Variants in BPIFB4 observed in about 807,000 individuals in gnomAD.
BPIFB4 encodes BPI fold-containing family B member 4.
In BPIFB4, 62 loss-of-function variants were observed where a neutral mutation model predicts 69.2. The observed-to-expected ratio is 0.90, with a 90% CI of 0.73 to 1.11. The LOEUF is 1.11. Ranked by LOEUF, BPIFB4 falls within the 50% of genes least tolerant of loss-of-function variation. The pLI, the probability that BPIFB4 is intolerant of heterozygous loss-of-function variation, is 0.00. For synonymous variants in BPIFB4, 330 were observed against 332.7 expected (o/e 0.99, Z 0.09); for missense variants, 789 against 792.0 (o/e 1.00, Z 0.04).
At chr20:33,083,214 T>C (rs1203066259) in intron 4 of BPIFB4, among the ~76,000 whole-genome samples, 153 bp from the exon 5 acceptor site, 1 of 56,768 alleles carries the variant, frequency 1.8e-5, no homozygotes, top group Admixed American at 2.5e-4. Context: ...GGTGGGGGGT[T>C]GCTGGGTGGC....
chr20:33,085,882 A>C, intron 6 of BPIFB4, 139 bp from the exon 7 acceptor site: 1 of 987,352 alleles, frequency 1.0e-6, no homozygotes, highest in Non-Finnish European at 1.5e-6. Context: ...GGACCAGGGA[A>C]GAGTTCTGGG....
Position 33,088,953 on chromosome 20 carries a change from C to A in BPIFB4, c.927-13C>A. ...CTGCGAGCCTTGACCTCATCCTGCTCCTGTCTCCTTAGGCTTCTCCCCAAT... is the reference window on the plus strand; with the variant it reads ...CTGCGAGCCTTGACCTCATCCTGCTACTGTCTCCTTAGGCTTCTCCCCAAT... On this transcript the variant is annotated splice_polypyrimidine_tract_variant and intron_variant, in intron 7 of 17. Transcript: ENST00000375483. 1.2e-6 allele frequency: 2 copies of A among 1,613,652 alleles called. No individual in the cohort carries two copies. Among genetic ancestry groups the A allele is most frequent in the South Asian group, 1.1e-5 (1 of 91,056 alleles).
In BPIFB4 at chr20:33,092,638, C is replaced by T. The variant is rs768941749; in HGVS notation, c.1324C>T (p.Leu442=). ...ACTGCAGAAGCAGCATGCTCTAGAC[C>T]TGGATATCACCAATGGCATGGTGAG... The part of the protein sequence containing the change: ...TLLQKQHALD[L]DITNGMFEEL... Residue 442 remains leucine (L), a synonymous_variant, in exon 11 of 18, where the codon CTG becomes TTG. Coordinates refer to ENST00000375483, the MANE Select transcript of BPIFB4 (RefSeq NM_182519.3). 1.9e-6 allele frequency: 3 copies of T among 1,611,474 alleles called. No individual in the cohort carries two copies. In the Admixed American group the frequency reaches 5.0e-5, roughly 27 times the overall value.
chr20:33,105,014 C>T (rs2146415797), intron 16 of BPIFB4, 141 bp downstream of exon 16: 2 of 787,172 alleles, frequency 2.5e-6, no homozygotes, highest in Non-Finnish European at 3.8e-6. Context: ...TCGATGAAAG[C>T]CTCCAAATCC....
At chr20:33,105,223 T>G (rs986521458) in intron 16 of BPIFB4, among the ~76,000 whole-genome samples, 1 of 152,198 alleles carries the variant, frequency 6.6e-6, no homozygotes, top group Admixed American at 6.5e-5. Flanking sequence ...GCATATTTCC[T>G]TCTAAACTCT....
chr20:33,096,648 C>T (rs1233535061), intron 12 of BPIFB4, among the ~76,000 whole-genome samples: 1 of 152,176 alleles, frequency 6.6e-6, no homozygotes, highest in Non-Finnish European at 1.5e-5. Flanking sequence ...ACACCATTTA[C>T]AGATGGGGAA....
Position 33,083,457 on chromosome 20 carries a change from A to G in BPIFB4, c.260A>G (p.Tyr87Cys), listed in dbSNP as rs755714325. 1.9e-5 allele frequency: 31 copies of G among 1,613,642 alleles called. No individual in the cohort carries two copies. Among genetic ancestry groups the G allele is most frequent in the African/African-American group, 2.7e-5 (2 of 74,790 alleles). ...NGKKLDGIYQ[Y>C]GHIETNDNTA... Reference sequence around the variant, plus strand: ...AAAAAACTTGATGGTATTTACCAGTATGGTCACATTGAGACCAACGACAAC... The same window carrying G: ...AAAAAACTTGATGGTATTTACCAGTGTGGTCACATTGAGACCAACGACAAC... The change falls in exon 5 of 18, where the codon TAT becomes TGT. Residue 87 changes from tyrosine (Y) to cysteine (C), a missense_variant. Transcript: ENST00000375483.
In BPIFB4 at chr20:33,083,673, C is replaced by A. The variant is rs1166194271; in HGVS notation, c.476C>A (p.Pro159His). The change falls in exon 5 of 18, where the codon CCT becomes CAT. Residue 159 changes from proline to histidine, a missense_variant. This residue lies in a region of BPIFB4 where 611 missense variants were observed against 575.4 expected (regional missense o/e 1.06). Transcript: ENST00000375483. Reference sequence around the variant, plus strand: ...GAGCTGCAGCCTGGAGAAATCCCACCTGGAGTTGCCACTGGGGCGGTGGGC... The same window carrying A: ...GAGCTGCAGCCTGGAGAAATCCCACATGGAGTTGCCACTGGGGCGGTGGGC... ...RRELQPGEIPPGVATGAVGPG... is the reference protein window; with the variant it reads ...RRELQPGEIPHGVATGAVGPG... 1.2e-6 allele frequency: 2 copies of A among 1,614,070 alleles called. No homozygotes were observed. The highest frequency in any genetic ancestry group is 1.7e-6 in the Non-Finnish European group (2 of 1,179,984).
chr20:33,111,748 G>A lies in BPIFB4; in HGVS notation c.*311G>A, dbSNP rs1016026191. ...TTTCAATAAAAGACTCCACTTTCCC[G>A]GCACTTGTGACGAGTTTCCATGAAG... On this transcript the variant is annotated 3_prime_UTR_variant, in exon 18 of 18. Coordinates refer to ENST00000375483, the MANE Select transcript of BPIFB4 (RefSeq NM_182519.3). The A allele has an allele frequency of 4.8e-5, 17 of 355,016 alleles. No individual in the cohort carries two copies. The highest frequency in any genetic ancestry group is 3.6e-4 in the East Asian group (8 of 22,318). The allele number at this position is 355,016 out of a possible 1,614,324, so 22.0% of individuals were successfully genotyped here.
In BPIFB4 at chr20:33,104,807, C is replaced by T. The variant is rs190532131; in HGVS notation, c.1681-3C>T. 5.1e-5 allele frequency: 82 copies of T among 1,614,018 alleles called. No homozygotes were observed. The African/African-American group carries it at 1.1e-3, about 21-fold the overall frequency. ...AGGCTCTGTCCTCCTTCTTCCTCTG[C>T]AGATTGGCCTCATGGAGGTGCTGGT... On this transcript the variant is annotated splice_polypyrimidine_tract_variant and splice_region_variant and intron_variant, in intron 15 of 17. Transcript: ENST00000375483.
intron 3 of BPIFB4, among the ~76,000 whole-genome samples, chr20:33,082,065 T>C (rs1468779730): frequency 3.9e-5 from 6 of 152,216 alleles, no homozygotes; most frequent in Non-Finnish European, 8.8e-5. Flanking sequence ...TCCTGGGACT[T>C]AGAAGGCCCT....
chr20:33,105,846 G>T (rs1042518577), intron 16 of BPIFB4, among the ~76,000 whole-genome samples: 1 of 152,206 alleles, frequency 6.6e-6, no homozygotes, highest in Admixed American at 6.5e-5. Context: ...GGAAGAGACG[G>T]AGCGTCTTGC....
intron 6 of BPIFB4, 145 bp from the exon 7 acceptor site, chr20:33,085,873 GACC>G: frequency 1.1e-6 from 1 of 922,108 alleles, no homozygotes; most frequent in Non-Finnish European, 1.7e-6. Flanking sequence ...TGACTTGAGG[GACC>G]AGGGAAGAGT....
chr20:33,090,075 G>A (rs1600556440), intron 9 of BPIFB4, among the ~76,000 whole-genome samples: 1 of 152,212 alleles, frequency 6.6e-6, no homozygotes, highest in South Asian at 2.1e-4. Context: ...GCCCTGTATG[G>A]CTGTGCCATT....
intron 13 of BPIFB4, 127 bp from the exon 14 acceptor site, chr20:33,100,299 G>A: frequency 1.4e-6 from 1 of 729,368 alleles, no homozygotes; most frequent in Non-Finnish European, 2.3e-6. Flanking sequence ...CAGGCCTCGG[G>A]GAACAACCTG....
rs541992483 is a variant in BPIFB4, at chr20:33,083,407, AC to A, written c.218del (p.Pro73GlnfsTer160). 80 of 1,609,092 alleles carry A rather than the reference AC, an allele frequency of 5.0e-5. No homozygotes were observed. The highest frequency in any genetic ancestry group is 4.2e-4 in the African/African-American group (31 of 73,740). On this transcript the variant is annotated frameshift_variant, in exon 5 of 18. Coordinates refer to ENST00000375483, the MANE Select transcript of BPIFB4 (RefSeq NM_182519.3). LOFTEE classifies it high-confidence loss of function. ...IPYNDFHVRG[P>X]PPVYTNGKKL... is the part of the protein sequence containing the mutation. ...CCTACAATGACTTCCATGTCCGAGG[AC>A]CCCCCCCAGTATATACCAACGGCAA...
At chr20:33,094,524 T>G (rs1981702486) in intron 11 of BPIFB4, among the ~76,000 whole-genome samples, 1 of 136,912 alleles carries the variant, frequency 7.3e-6, no homozygotes, top group Admixed American at 7.3e-5. Flanking sequence ...TTTTTTTTTT[T>G]GAGACAGAAT....
Position 33,083,509 on chromosome 20 carries a change from A to G in BPIFB4, c.312A>G (p.Arg104=), listed in dbSNP as rs1490048831. The change falls in exon 5 of 18, where the codon CGA becomes CGG. Residue 104 remains arginine, a synonymous_variant. Transcript: ENST00000375483. ...DNTAQLGGKY[R]YGEILESEGS... is the part of the protein sequence containing the mutation. ...CTGCTCAGCTGGGGGGCAAATACCGATATGGTGAGATCCTTGAGTCCGAGG... is the reference window on the plus strand; with the variant it reads ...CTGCTCAGCTGGGGGGCAAATACCGGTATGGTGAGATCCTTGAGTCCGAGG... 2.5e-6 allele frequency: 4 copies of G among 1,613,792 alleles called. No homozygotes were observed. The African/African-American group carries it at 5.3e-5, about 22-fold the overall frequency.
rs151182059 is a variant in BPIFB4 at position 33,092,459 on chromosome 20, C to A, written c.1145C>A (p.Thr382Lys). ...CCCCTTTCTTCTCTTCTCCCCCAGA[C>A]GCTGGTTGGGGAGGCTGGAGGAGGA... ...TGEFLELDLN[T>K]LVGEAGGGLI... Residue 382 changes from threonine (T) to lysine (K), a missense_variant and splice_region_variant, in exon 11 of 18, where the codon ACG becomes AAG. By Grantham distance (78) the Thr-to-Lys change is moderately conservative. Coordinates refer to ENST00000375483, the MANE Select transcript of BPIFB4 (RefSeq NM_182519.3). The A allele has an allele frequency of 2.2e-5, 35 of 1,612,256 alleles. No individual in the cohort carries two copies. In the South Asian group the frequency reaches 3.6e-4, roughly 17 times the overall value.
Sources: allele counts gnomAD v4.1 joint callset (sites outside exome capture counted in the v4.1 genomes callset), GRCh38; gene constraint gnomAD v4.1.1; regional missense constraint gnomAD v4.1.1; transcripts MANE v1.5; gene names NCBI Gene and HGNC (gene_info 2026-07-23, HGNC 2026-07-21).